Variants in AGPAT4 observed in about 807,000 individuals in gnomAD.
AGPAT4 encodes 1-acyl-sn-glycerol-3-phosphate acyltransferase delta.
In AGPAT4, 15 loss-of-function variants were observed where a neutral mutation model predicts 48.0. That is an observed-to-expected ratio of 0.31 (90% CI 0.21 to 0.48). The LOEUF is 0.48. AGPAT4 is among the 20% of genes least tolerant of loss of function. The pLI is 0.99. For missense variants in AGPAT4, 314 were observed against 482.5 expected (o/e 0.65, Z 3.27); for synonymous variants, 178 against 198.7 (o/e 0.90, Z 0.88).
chr6:161,234,880 T>C lies in AGPAT4; in HGVS notation c.-89-2578A>G, dbSNP rs184096363. Among the ~76,000 whole-genome samples the C allele has an allele frequency of 2.6e-5, 4 of 152,166 alleles. No individual in the cohort carries two copies. In the East Asian group the frequency reaches 7.7e-4, roughly 29 times the overall value. Reference sequence around the variant, plus strand: ...TTAGGAAGAAAAATTAAGAATTCTTTTTTCCTTATAAAATTTCAAGGTAAA... The same window carrying C: ...TTAGGAAGAAAAATTAAGAATTCTTCTTTCCTTATAAAATTTCAAGGTAAA... On this transcript the variant is annotated intron_variant, in intron 1 of 8. Transcript: ENST00000320285. This position sits in a 1 kb window ranked among gnomAD's most constrained non-coding sequence, Gnocchi z 4.4.
At position 161,215,091 on chromosome 6, in the gene AGPAT4, T is replaced by C. The variant is rs898747149; in HGVS notation, c.178+16945A>G. ...GTGACATTTTAAATACTTATTTAAA[T>C]ACCCCATAGAGACTGTCTAGATGCT... is the stretch of plus-strand genomic sequence containing the variant. On this transcript the variant is annotated intron_variant, in intron 2 of 8. Coordinates refer to ENST00000320285, the MANE Select transcript of AGPAT4 (RefSeq NM_020133.3). This position sits in a 1 kb window ranked among gnomAD's most constrained non-coding sequence, Gnocchi z 4.5. Among the ~76,000 whole-genome samples, 4 of 152,204 alleles carry C rather than the reference T, an allele frequency of 2.6e-5. No individual in the cohort carries two copies. The highest frequency in any genetic ancestry group is 9.6e-5 in the African/African-American group (4 of 41,470).
intron 1 of AGPAT4, among the ~76,000 whole-genome samples, chr6:161,239,526 A>G (rs1311189018): frequency 6.6e-6 from 1 of 152,220 alleles, no homozygotes; most frequent in African/African-American, 2.4e-5. Flanking sequence ...GCAGCACTCA[A>G]CCAGGTCAGG....
At position 161,232,089 on chromosome 6, in the gene AGPAT4, T is replaced by C; in HGVS notation, c.125A>G (p.Asn42Ser). The C allele has an allele frequency of 6.2e-7, 1 of 1,614,054 alleles. No homozygotes were observed. Among genetic ancestry groups the C allele is most frequent in the Non-Finnish European group, 8.5e-7 (1 of 1,179,988 alleles). The stretch of plus-strand genomic sequence containing the variant: ...GTTGATCTTCCGGAAGAGCTGCTTG[T>C]TAATGGGCCAGAGGAGGAGAGTGAA... ...QLFTLLLWPI[N>S]KQLFRKINCR... The change falls in exon 2 of 9, where the codon AAC becomes AGC. Residue 42 changes from asparagine (N) to serine (S), a missense_variant. Coordinates refer to ENST00000320285, the MANE Select transcript of AGPAT4 (RefSeq NM_020133.3). This position sits in a 1 kb window ranked among gnomAD's most constrained non-coding sequence, Gnocchi z 6.8.
chr6:161,160,105 T>A (rs1472264929), intron 3 of AGPAT4: 9 of 5,784 alleles, frequency 1.6e-3, no homozygotes, highest in African/African-American at 0.013. Context: ...ACCCAGCTAA[T>A]TTTTTTTTTT....
rs1418333913 is a variant in AGPAT4, at chr6:161,159,777, G to A, written c.349-5467C>T. 6.6e-6 allele frequency among the ~76,000 whole-genome samples: 1 copy of A among 151,798 alleles called. No homozygotes were observed. The highest frequency in any genetic ancestry group is 1.5e-5 in the Non-Finnish European group (1 of 67,978). The stretch of plus-strand genomic sequence containing the variant: ...TCCTGCCTCAGCCTCCGGAGTAGCT[G>A]GGATTACAGGCACCTGCCACCGTGC... On this transcript the variant is annotated intron_variant, in intron 3 of 8. Coordinates refer to ENST00000320285, the MANE Select transcript of AGPAT4 (RefSeq NM_020133.3). The surrounding 1 kb of genome is among the most constrained non-coding windows in gnomAD (Gnocchi z 4.1).
intron 1 of AGPAT4, among the ~76,000 whole-genome samples, chr6:161,247,484 T>C (rs1486645761): frequency 6.6e-6 from 1 of 152,200 alleles, no homozygotes; most frequent in Non-Finnish European, 1.5e-5. Flanking sequence ...TTTTTTATTT[T>C]TAAATATATA....
Position 161,217,114 on chromosome 6 carries a change from G to T in AGPAT4, c.178+14922C>A, listed in dbSNP as rs1233817893. On this transcript the variant is annotated intron_variant, in intron 2 of 8. Transcript: ENST00000320285. The surrounding 1 kb of genome is among the most constrained non-coding windows in gnomAD (Gnocchi z 4.9). The stretch of plus-strand genomic sequence containing the variant: ...GGGCCTGACTCCGCGTTTCAGCAAT[G>T]AAAGATGAGCAGACAGTGGAGAAGG... Among the ~76,000 whole-genome samples the T allele has an allele frequency of 6.6e-6, 1 of 152,216 alleles. No individual in the cohort carries two copies. Among genetic ancestry groups the T allele is most frequent in the Non-Finnish European group, 1.5e-5 (1 of 68,048 alleles).
chr6:161,207,972 C>A (rs750240890), intron 2 of AGPAT4, among the ~76,000 whole-genome samples: 47 of 152,076 alleles, frequency 3.1e-4, no homozygotes, highest in Non-Finnish European at 4.7e-4. Flanking sequence ...TCATTCAAGG[C>A]ATGCCTTGAA....
chr6:161,166,235 A>C lies in AGPAT4; in HGVS notation c.348+13T>G, dbSNP rs1370446749. The C allele has an allele frequency of 1.2e-6, 2 of 1,613,044 alleles. No homozygotes were observed. Among genetic ancestry groups the C allele is most frequent in the Non-Finnish European group, 1.7e-6 (2 of 1,179,490 alleles). On this transcript the variant is annotated intron_variant, in intron 3 of 8. Coordinates refer to ENST00000320285, the MANE Select transcript of AGPAT4 (RefSeq NM_020133.3). The surrounding 1 kb of genome is among the most constrained non-coding windows in gnomAD (Gnocchi z 6.7). ...AAATGTGTGAGGCAGGGGGGAATGC[A>C]CTTCTGACTTACCCCTAACAGCCCA...
rs529735776 is a variant in AGPAT4, at chr6:161,184,739, G to C, written c.179-18322C>G. Among the ~76,000 whole-genome samples the C allele has an allele frequency of 6.6e-6, 1 of 152,234 alleles. No homozygotes were observed. The highest frequency in any genetic ancestry group is 1.9e-4 in the East Asian group (1 of 5,174). ...CAGGTTTCCACCCATCTGGGCACTT[G>C]GCAAGACTAGAAATCTGACTACATC... On this transcript the variant is annotated intron_variant, in intron 2 of 8. Coordinates refer to ENST00000320285, the MANE Select transcript of AGPAT4 (RefSeq NM_020133.3). This position sits in a 1 kb window ranked among gnomAD's most constrained non-coding sequence, Gnocchi z 4.8.
rs1015031616 is a variant in AGPAT4, at chr6:161,261,324, G to A, written c.-90+12614C>T. On this transcript the variant is annotated intron_variant, in intron 1 of 8. Transcript: ENST00000320285. This position sits in a 1 kb window ranked among gnomAD's most constrained non-coding sequence, Gnocchi z 5.3. ...CCGGCACAGTCCTGGGCCACATGAC[G>A]TTGACAAGTGCTATTTCCCTTCGTG... 2.6e-5 allele frequency among the ~76,000 whole-genome samples: 4 copies of A among 152,188 alleles called. No individual in the cohort carries two copies. Among genetic ancestry groups the A allele is most frequent in the Non-Finnish European group, 4.4e-5 (3 of 68,038 alleles).
rs1043703863 is a variant in AGPAT4 at position 161,272,165 on chromosome 6, T to C, written c.-90+1773A>G. Among the ~76,000 whole-genome samples the C allele has an allele frequency of 1.3e-5, 2 of 152,210 alleles. No individual in the cohort carries two copies. The highest frequency in any genetic ancestry group is 3.9e-4 in the East Asian group (2 of 5,192). On this transcript the variant is annotated intron_variant, in intron 1 of 8. Transcript: ENST00000320285. This position sits in a 1 kb window ranked among gnomAD's most constrained non-coding sequence, Gnocchi z 4.2. ...TTAGGACCTCTGGATTTATAGCAGA[T>C]TTGATAAGACATAGATGATAGCATA...
Position 161,261,116 on chromosome 6 carries a change from A to G in AGPAT4, c.-90+12822T>C, listed in dbSNP as rs1003646052. Among the ~76,000 whole-genome samples, 1 of 151,962 alleles carries G rather than the reference A, an allele frequency of 6.6e-6. No individual in the cohort carries two copies. The highest frequency in any genetic ancestry group is 2.4e-5 in the African/African-American group (1 of 41,360). On this transcript the variant is annotated intron_variant, in intron 1 of 8. Coordinates refer to ENST00000320285, the MANE Select transcript of AGPAT4 (RefSeq NM_020133.3). This position sits in a 1 kb window ranked among gnomAD's most constrained non-coding sequence, Gnocchi z 5.3. ...TTCTCCCACTGTTGACTTGCCAAAC[A>G]TGTGTTTATCCTTCCAACCCCTGCT...
Position 161,219,133 on chromosome 6 carries a change from G to A in AGPAT4, c.178+12903C>T, listed in dbSNP as rs1021756345. 6.6e-6 allele frequency among the ~76,000 whole-genome samples: 1 copy of A among 151,992 alleles called. No individual in the cohort carries two copies. Among genetic ancestry groups the A allele is most frequent in the African/African-American group, 2.4e-5 (1 of 41,366 alleles). On this transcript the variant is annotated intron_variant, in intron 2 of 8. Transcript: ENST00000320285. This position sits in a 1 kb window ranked among gnomAD's most constrained non-coding sequence, Gnocchi z 4.9. The stretch of plus-strand genomic sequence containing the variant: ...TTAGGATTTCCTTGCTTTAGAGCTT[G>A]TTTTCATAAAACTATTTCCCCCTTA...
rs572201619 is a variant in AGPAT4 at position 161,216,020 on chromosome 6, C to T, written c.178+16016G>A. ...CTCACACATACTTGCCTCTCTTAAC[C>T]GCACCATGTCCAGTTGACGAGGATT... On this transcript the variant is annotated intron_variant, in intron 2 of 8. Coordinates refer to ENST00000320285, the MANE Select transcript of AGPAT4 (RefSeq NM_020133.3). The surrounding 1 kb of genome is among the most constrained non-coding windows in gnomAD (Gnocchi z 4.8). Among the ~76,000 whole-genome samples the T allele has an allele frequency of 7.9e-5, 12 of 152,318 alleles. No individual in the cohort carries two copies. The highest frequency in any genetic ancestry group is 7.7e-4 in the East Asian group (4 of 5,174).
At position 161,212,178 on chromosome 6, in the gene AGPAT4, T is replaced by C. The variant is rs1002124413; in HGVS notation, c.178+19858A>G. On this transcript the variant is annotated intron_variant, in intron 2 of 8. Coordinates refer to ENST00000320285, the MANE Select transcript of AGPAT4 (RefSeq NM_020133.3). The surrounding 1 kb of genome is among the most constrained non-coding windows in gnomAD (Gnocchi z 6.1). ...TGGAAGCTGTATCTTATGGTCAAGA[T>C]TAAAATTTTATAGATTGTTTACAAA... Among the ~76,000 whole-genome samples, 19 of 152,306 alleles carry C rather than the reference T, an allele frequency of 1.2e-4. No homozygotes were observed. The highest frequency in any genetic ancestry group is 4.6e-4 in the African/African-American group (19 of 41,578).
intron 2 of AGPAT4, among the ~76,000 whole-genome samples, chr6:161,183,196 C>G (rs1780649968): frequency 6.6e-6 from 1 of 152,190 alleles, no homozygotes; most frequent in Non-Finnish European, 1.5e-5. Flanking sequence ...AGTCCCTTTT[C>G]TTATCCACCA....
chr6:161,139,477 C>G lies in AGPAT4; in HGVS notation c.987G>C (p.Met329Ile), dbSNP rs1417750047. ...LYPFFQFLVSMIRSGSSLTLA... is the reference protein window; with the variant it reads ...LYPFFQFLVSIIRSGSSLTLA... ...GCGTCAGGGAAGACCCGCTCCTGATCATGCTGACCAGGAACTGGAAGAAAG... is the reference window on the plus strand; with the variant it reads ...GCGTCAGGGAAGACCCGCTCCTGATGATGCTGACCAGGAACTGGAAGAAAG... Residue 329 changes from methionine to isoleucine, a missense_variant, in exon 8 of 9, where the codon ATG becomes ATC. By Grantham distance (10) the Met-to-Ile change is conservative. Coordinates refer to ENST00000320285, the MANE Select transcript of AGPAT4 (RefSeq NM_020133.3). The surrounding 1 kb of genome is among the most constrained non-coding windows in gnomAD (Gnocchi z 9.1). The G allele has an allele frequency of 8.7e-6, 14 of 1,614,010 alleles. No individual in the cohort carries two copies. Among genetic ancestry groups the G allele is most frequent in the African/African-American group, 2.7e-5 (2 of 74,942 alleles).
intron 3 of AGPAT4, chr6:161,160,254 C>T (rs1230154075): frequency 6.6e-6 from 1 of 152,124 alleles, no homozygotes; most frequent in Non-Finnish European, 1.5e-5. Context: ...TTCTTGCCAA[C>T]TGCAGTAGCA....
Sources: gnomAD v4.1 joint callset for allele counts (sites outside exome capture counted in the v4.1 genomes callset) on GRCh38, gnomAD v4.1.1 for gene constraint, Gnocchi (gnomAD v3.1) non-coding constraint, MANE v1.5 for transcripts, NCBI Gene and HGNC (gene_info 2026-07-23, HGNC 2026-07-21) for gene names.